Variants in TJP1 observed in about 807,000 individuals in gnomAD.
TJP1 encodes the protein tight junction protein ZO-1.
TJP1 carries 43 observed loss-of-function variants against 194.2 expected under a neutral mutation model. That is an observed-to-expected ratio of 0.22 (90% CI 0.17 to 0.29). The LOEUF is 0.29. Among genes scored for constraint, TJP1 ranks in the 10% least tolerant of loss-of-function variants. The pLI is 1.00. For missense variants in TJP1, 1,971 were observed against 2,185.7 expected, an observed-to-expected ratio of 0.90 and a Z score of 1.96; for synonymous variants, 801 against 779.0, an observed-to-expected ratio of 1.03 and a Z score of -0.47.
intron 2 of TJP1, among the ~76,000 whole-genome samples, chr15:29,911,681 T>A (rs932100162): frequency 1.3e-5 from 2 of 152,120 alleles, no homozygotes; most frequent in East Asian, 3.9e-4. Flanking sequence ...TCCAATTACC[T>A]CCCACCAGGT....
intron 2 of TJP1, among the ~76,000 whole-genome samples, chr15:29,777,227 T>G (rs1405480217): frequency 6.6e-6 from 1 of 152,230 alleles, no homozygotes; most frequent in African/African-American, 2.4e-5. Flanking sequence ...TCTTTTAATC[T>G]ACGAGTGTGT....
In TJP1 at chr15:29,920,448, T is replaced by C. The variant is rs74008637; in HGVS notation, c.306+35784A>G. ...ACCTCAGATTAGGAGCAATTACCGTTTGGGAAAAGAAAAGCAAACTGAAGG... is the reference window on the plus strand; with the variant it reads ...ACCTCAGATTAGGAGCAATTACCGTCTGGGAAAAGAAAAGCAAACTGAAGG... On this transcript the variant is annotated intron_variant, in intron 2 of 28. Transcript: ENST00000356107. Among the ~76,000 whole-genome samples, 480 of 152,196 alleles carry C rather than the reference T, an allele frequency of 3.2e-3. 2 individuals are homozygous for C. Among genetic ancestry groups the C allele is most frequent in the African/African-American group, 0.011 (459 of 41,518 alleles).
chr15:29,766,636 T>C (rs2151581116), intron 4 of TJP1, 94 bp from the exon 5 acceptor site: 1 of 1,240,916 alleles, frequency 8.1e-7, no homozygotes, highest in South Asian at 1.9e-5. Context: ...TCTCATCCCA[T>C]ATTAACTATG....
intron 4 of TJP1, among the ~76,000 whole-genome samples, chr15:29,769,279 T>C (rs1271169895): frequency 6.6e-6 from 1 of 152,188 alleles, no homozygotes; most frequent in Admixed American, 6.5e-5. Context: ...ATTTAAAATG[T>C]TTCATTTGAA....
intron 2 of TJP1, among the ~76,000 whole-genome samples, chr15:29,833,881 A>ATATATTTTTTTTTTTTTTTT (rs1555434000): frequency 7.9e-5 from 1 of 12,618 alleles, no homozygotes; most frequent in African/African-American, 3.0e-4. Flanking sequence ...ATATATATAT[A>ATATATTTTTTTTTTTTTTTT]TTTTTTTTTT....
chr15:29,949,816 T>C (rs1338058271), intron 2 of TJP1, among the ~76,000 whole-genome samples: 2 of 7,490 alleles, frequency 2.7e-4, no homozygotes, highest in Non-Finnish European at 4.4e-4. Flanking sequence ...TCTTCACCAC[T>C]GCTACCTCCA....
At chr15:29,765,517 C>T (rs1235561954) in intron 5 of TJP1, among the ~76,000 whole-genome samples, 1 of 152,064 alleles carries the variant, frequency 6.6e-6, no homozygotes, top group East Asian at 1.9e-4. Context: ...CAAAGAAGTA[C>T]TGCATTATGG....
Position 29,704,891 on chromosome 15 carries a change from G to C in TJP1, c.5069-586C>G, listed in dbSNP as rs3784354. On this transcript the variant is annotated intron_variant, in intron 26 of 27. Coordinates refer to ENST00000614355, the MANE Select transcript of TJP1 (RefSeq NM_001330239.4). Reference sequence around the variant, plus strand: ...AATCAGAGTACAGAATCAGATGTCAGTATTCCGGCAAAATACAAAAAAGCG... The same window carrying C: ...AATCAGAGTACAGAATCAGATGTCACTATTCCGGCAAAATACAAAAAAGCG... 7.9e-4 allele frequency among the ~76,000 whole-genome samples: 120 copies of C among 152,356 alleles called. 1 individual carries two copies. In the East Asian group the frequency reaches 0.021, roughly 26 times the overall value.
intron 2 of TJP1, among the ~76,000 whole-genome samples, chr15:29,918,875 A>T (rs2054270006): frequency 1.3e-5 from 2 of 152,220 alleles, no homozygotes; most frequent in African/African-American, 4.8e-5. Context: ...GTCCAACAGC[A>T]AATTTATAGG....
In TJP1 at chr15:29,898,688, G is replaced by A. The variant is rs1308377408; in HGVS notation, c.306+57544C>T. Among the ~76,000 whole-genome samples the A allele has an allele frequency of 2.6e-5, 4 of 152,210 alleles. No homozygotes were observed. The East Asian group carries it at 7.7e-4, about 29-fold the overall frequency. ...TCTGAGTGCCAACATGATGTTCAAA[G>A]GATGTTCATCAGAGCATTTTGGATT... On this transcript the variant is annotated intron_variant, in intron 2 of 28. Coordinates refer to the TJP1 transcript ENST00000356107.
chr15:29,918,483 C>T (rs568290974), intron 2 of TJP1, among the ~76,000 whole-genome samples: 3 of 152,240 alleles, frequency 2.0e-5, no homozygotes, highest in East Asian at 1.9e-4. Flanking sequence ...GCCTGTAATC[C>T]GAGTACTGTG....
chr15:29,737,435 T>C (rs745669670), intron 10 of TJP1, 21 bp from the exon 11 acceptor site: 1 of 1,614,010 alleles, frequency 6.2e-7, no homozygotes. Context: ...AGATATTTCA[T>C]TTGAAACAGT....
At chr15:29,742,957 C>T in intron 8 of TJP1, 176 bp from the exon 9 acceptor site, 1 of 456,210 alleles carries the variant, frequency 2.2e-6, no homozygotes, top group Non-Finnish European at 3.6e-6. Context: ...CACAGAAAAA[C>T]CAAATAGATT....
In TJP1 at chr15:29,818,983, A is replaced by G. The variant is rs2050136206; in HGVS notation, c.27+3019T>C. ...TAGGCACGCGCCACCATGCCCGGCT[A>G]ATTTTTGTATTTTTAGTAGAGACGG... On this transcript the variant is annotated intron_variant, in intron 1 of 27. Transcript: ENST00000614355. Among the ~76,000 whole-genome samples the G allele has an allele frequency of 2.1e-5, 3 of 144,358 alleles. No individual in the cohort carries two copies. In the South Asian group the frequency reaches 6.7e-4, roughly 32 times the overall value. 94.7% of individuals were successfully genotyped at this position (144,358 alleles called of 152,430 possible). A position where few individuals can be genotyped will look rare whatever the true frequency, so the allele number is the denominator to read the frequency against.
At chr15:29,894,275 A>C (rs1217148360) in intron 2 of TJP1, among the ~76,000 whole-genome samples, 1 of 152,158 alleles carries the variant, frequency 6.6e-6, no homozygotes, top group African/African-American at 2.4e-5. Context: ...CCTGGCCAAC[A>C]CAGGGAAGCC....
chr15:29,822,055 G>GCTCCTCGGACCCGAAA lies in TJP1; in HGVS notation c.-43_-28dup, dbSNP rs2050420826. On this transcript the variant is annotated 5_prime_UTR_variant, in exon 1 of 28. Coordinates refer to ENST00000614355, the MANE Select transcript of TJP1 (RefSeq NM_001330239.4). ...TTGTCTCTCTCCAGCGCCGCGCGAGGCTCCTCGGACCCGAAACTCCGCGGC... is the reference window on the plus strand; with the variant it reads ...TTGTCTCTCTCCAGCGCCGCGCGAGGCTCCTCGGACCCGAAACTCCTCGGACCCGAAACTCCGCGGC... 2 of 1,296,438 alleles carry GCTCCTCGGACCCGAAA rather than the reference G, an allele frequency of 1.5e-6. No individual in the cohort carries two copies. Among genetic ancestry groups the GCTCCTCGGACCCGAAA allele is most frequent in the Non-Finnish European group, 2.0e-6 (2 of 1,022,324 alleles). The allele number at this position is 1,296,438 out of a possible 1,614,324, so 80.3% of individuals were successfully genotyped here.
intron 2 of TJP1, among the ~76,000 whole-genome samples, chr15:29,839,964 G>A (rs546068358): frequency 4.6e-5 from 7 of 152,190 alleles, no homozygotes; most frequent in African/African-American, 9.6e-5. Flanking sequence ...ATGATACCTT[G>A]TGGTTTTATT....
intron 2 of TJP1, among the ~76,000 whole-genome samples, chr15:29,919,188 C>A (rs1461225571): frequency 6.6e-6 from 1 of 152,208 alleles, no homozygotes; most frequent in Non-Finnish European, 1.5e-5. Context: ...ACCTTTTAAG[C>A]TAGAATTCTG....
chr15:29,722,177 T>C (rs901495061), intron 18 of TJP1, among the ~76,000 whole-genome samples: 3 of 152,206 alleles, frequency 2.0e-5, no homozygotes, highest in Non-Finnish European at 4.4e-5. Flanking sequence ...GGACAGAATA[T>C]TAACAGACAA....
Sources: gnomAD v4.1 joint callset for allele counts (sites outside exome capture counted in the v4.1 genomes callset) on GRCh38, gnomAD v4.1.1 for gene constraint, MANE v1.5 for transcripts, NCBI Gene and HGNC (gene_info 2026-07-23, HGNC 2026-07-21) for gene names.